Variants in DACH1 observed in about 807,000 individuals in gnomAD.
The protein encoded by DACH1 is dachshund family transcription factor 1, also known as dachshund homolog 1.
DACH1 carries 12 observed loss-of-function variants against 54.2 expected under a neutral mutation model. The observed-to-expected ratio is 0.22, with a 90% CI of 0.14 to 0.36. The LOEUF (loss-of-function observed/expected upper bound fraction) is 0.36, where lower values mean the gene tolerates loss of function less well. Among genes scored for constraint, DACH1 ranks in the 10% least tolerant of loss-of-function variants. The pLI is 1.00. For synonymous variants in DACH1, 386 were observed against 366.2 expected, an observed-to-expected ratio of 1.05 and a Z score of -0.62; for missense variants, 805 against 929.8, an observed-to-expected ratio of 0.87 and a Z score of 1.75.
intron 3 of DACH1, among the ~76,000 whole-genome samples, chr13:71,609,668 C>T (rs1034876600): frequency 6.6e-6 from 1 of 151,848 alleles, no homozygotes; most frequent in Non-Finnish European, 1.5e-5. Context: ...TGGGATTACA[C>T]GTGCTCACCA....
intron 1 of DACH1, among the ~76,000 whole-genome samples, chr13:71,791,383 TA>T (rs1202690329): frequency 1.3e-5 from 2 of 152,092 alleles, no homozygotes; most frequent in Non-Finnish European, 2.9e-5. Context: ...TGGTTTGGTT[TA>T]TTTTTTTGAG....
At chr13:71,856,034 A>T (rs1277914003) in intron 1 of DACH1, among the ~76,000 whole-genome samples, 1 of 151,968 alleles carries the variant, frequency 6.6e-6, no homozygotes, top group Non-Finnish European at 1.5e-5. Context: ...TAGCTGCAAA[A>T]TTTTGATGGC....
At chr13:71,680,512 G>A (rs538335089) in intron 2 of DACH1, among the ~76,000 whole-genome samples, 2 of 152,162 alleles carry the variant, frequency 1.3e-5, no homozygotes, top group African/African-American at 4.8e-5. Context: ...GCTGAGGTGG[G>A]AGGATCTCTT....
intron 3 of DACH1, among the ~76,000 whole-genome samples, chr13:71,619,127 T>C (rs1029180117): frequency 5.3e-5 from 8 of 151,632 alleles, no homozygotes; most frequent in South Asian, 4.1e-4. Context: ...TATATATATA[T>C]GGTGACATAT....
chr13:71,815,421 TG>T (rs1356822001), intron 1 of DACH1, among the ~76,000 whole-genome samples: 2 of 152,138 alleles, frequency 1.3e-5, no homozygotes, highest in Non-Finnish European at 2.9e-5. Flanking sequence ...CTTAACTTGG[TG>T]AAGCACTTTT....
rs144566835 is a variant in DACH1 at position 71,498,013 on chromosome 13, A to C, written c.1571-8865T>G. ...TCTTGGATATACTTCAAGCAGCATT[A>C]GAACTCTGAATTTTGAGTTTGAGTG... On this transcript the variant is annotated intron_variant, in intron 6 of 10. Transcript: ENST00000613252. Among the ~76,000 whole-genome samples the C allele has an allele frequency of 1.3e-4, 20 of 152,266 alleles. No individual in the cohort carries two copies. The East Asian group carries it at 3.5e-3, about 26-fold the overall frequency.
chr13:71,736,935 T>C (rs1228844920), intron 1 of DACH1, among the ~76,000 whole-genome samples: 1 of 152,134 alleles, frequency 6.6e-6, no homozygotes, highest in East Asian at 1.9e-4. Context: ...TAACACCATA[T>C]ACAATCTGAT....
intron 1 of DACH1, among the ~76,000 whole-genome samples, chr13:71,843,104 G>A (rs1872987467): frequency 6.6e-6 from 1 of 151,866 alleles, no homozygotes; most frequent in African/African-American, 2.4e-5. Context: ...ATTTTTATGG[G>A]TATGTAGTAG....
chr13:71,692,060 C>T (rs1056531909), intron 1 of DACH1, among the ~76,000 whole-genome samples: 8 of 151,678 alleles, frequency 5.3e-5, no homozygotes, highest in Non-Finnish European at 1.2e-4. Context: ...CACACACATA[C>T]ACTTCTGTAA....
intron 1 of DACH1, among the ~76,000 whole-genome samples, chr13:71,723,477 A>G (rs1883323509): frequency 6.6e-6 from 1 of 152,136 alleles, no homozygotes; most frequent in Non-Finnish European, 1.5e-5. Flanking sequence ...ATTTGGCATT[A>G]TGTTTTAAGA....
intron 3 of DACH1, among the ~76,000 whole-genome samples, chr13:71,596,177 A>AT (rs1314317701): frequency 2.0e-5 from 3 of 152,158 alleles, no homozygotes; most frequent in Non-Finnish European, 2.9e-5. Context: ...TTCATACTTC[A>AT]TTTTTTAGGT....
intron 1 of DACH1, among the ~76,000 whole-genome samples, chr13:71,808,109 A>G (rs1300797353): frequency 6.6e-6 from 1 of 152,184 alleles, no homozygotes; most frequent in Non-Finnish European, 1.5e-5. Flanking sequence ...CAACGTCTTC[A>G]CCATACCCAC....
chr13:71,571,885 G>C (rs1049142774), intron 4 of DACH1, among the ~76,000 whole-genome samples: 3 of 151,842 alleles, frequency 2.0e-5, no homozygotes, highest in African/African-American at 7.3e-5. Context: ...ACAGGCGCCC[G>C]CCACCACGCC....
Position 71,444,745 on chromosome 13 carries a change from G to A in DACH1, c.2084-4053C>T, listed in dbSNP as rs1236780739. On this transcript the variant is annotated intron_variant, in intron 10 of 10. Coordinates refer to ENST00000613252, the MANE Select transcript of DACH1 (RefSeq NM_080759.6). ...AAAAGACCCATATTTACATTAACTA[G>A]CCAAATTATTCTCCATGGTCTACAA... Among the ~76,000 whole-genome samples the A allele has an allele frequency of 2.6e-5, 4 of 151,994 alleles. No homozygotes were observed. In the East Asian group the frequency reaches 7.7e-4, roughly 29 times the overall value.
intron 3 of DACH1, among the ~76,000 whole-genome samples, chr13:71,584,612 T>G (rs1429451530): frequency 6.6e-6 from 1 of 152,138 alleles, no homozygotes; most frequent in Non-Finnish European, 1.5e-5. Context: ...AAATCTCTAC[T>G]GAACTGTTTG....
At chr13:71,654,960 CTT>C (rs1295826519) in intron 2 of DACH1, among the ~76,000 whole-genome samples, 3 of 152,172 alleles carry the variant, frequency 2.0e-5, no homozygotes, top group African/African-American at 7.2e-5. Context: ...GTTGTACAGA[CTT>C]ATGATTCTAA....
intron 1 of DACH1, among the ~76,000 whole-genome samples, chr13:71,779,208 T>C (rs867979162): frequency 1.9e-5 from 2 of 104,144 alleles, no homozygotes; most frequent in Admixed American, 9.2e-5. Context: ...TATATATGTG[T>C]ATATATATAC....
At chr13:71,672,136 T>C (rs987040219) in intron 2 of DACH1, among the ~76,000 whole-genome samples, 7 of 152,158 alleles carry the variant, frequency 4.6e-5, no homozygotes, top group African/African-American at 1.7e-4. Context: ...AGTACTGTTC[T>C]TTCCATTTAT....
At chr13:71,850,517 C>G (rs1873588700) in intron 1 of DACH1, among the ~76,000 whole-genome samples, 1 of 152,284 alleles carries the variant, frequency 6.6e-6, no homozygotes, top group East Asian at 1.9e-4. Context: ...AGAATGAACA[C>G]TTCGCCACTT....
Sources: allele counts gnomAD v4.1 joint callset (sites outside exome capture counted in the v4.1 genomes callset), GRCh38; gene constraint gnomAD v4.1.1; transcripts MANE v1.5; gene names NCBI Gene and HGNC (gene_info 2026-07-23, HGNC 2026-07-21).